KCNAB1: variants seen among roughly 807,000 people sequenced by gnomAD.
The protein encoded by KCNAB1 is voltage-gated potassium channel subunit beta-1.
A neutral mutation model predicts 64.6 loss-of-function variants in KCNAB1; 35 were observed. The observed-to-expected ratio is 0.54, with a 90% CI of 0.41 to 0.72. The LOEUF (loss-of-function observed/expected upper bound fraction) is 0.72. KCNAB1 is among the 30% of genes least tolerant of loss of function. KCNAB1 has a pLI of 0.00. For synonymous variants in KCNAB1, 177 were observed against 183.8 expected (o/e 0.96, Z 0.30); for missense variants, 401 against 512.9 (o/e 0.78, Z 2.11).
intron 1 of KCNAB1, among the ~76,000 whole-genome samples, chr3:156,244,680 C>T (rs1560155035): frequency 6.6e-6 from 1 of 152,188 alleles, no homozygotes; most frequent in Non-Finnish European, 1.5e-5. Flanking sequence ...TGACTTAACC[C>T]TGATAGATAC....
At chr3:156,261,742 T>G (rs1321089059) in intron 1 of KCNAB1, among the ~76,000 whole-genome samples, 1 of 151,990 alleles carries the variant, frequency 6.6e-6, no homozygotes, top group African/African-American at 2.4e-5. Context: ...ATACACATTT[T>G]CAAATCAGCT....
chr3:156,380,185 C>A (rs188858052), intron 1 of KCNAB1, among the ~76,000 whole-genome samples: 1 of 152,148 alleles, frequency 6.6e-6, no homozygotes, highest in Non-Finnish European at 1.5e-5. Flanking sequence ...CCTTCTCCAG[C>A]GCCTTCCCCT....
At chr3:156,276,205 T>C (rs1471132190) in intron 1 of KCNAB1, among the ~76,000 whole-genome samples, 1 of 152,184 alleles carries the variant, frequency 6.6e-6, no homozygotes, top group Non-Finnish European at 1.5e-5. Flanking sequence ...AGTGGTAATA[T>C]TTTGAAATAT....
chr3:156,397,591 A>G (rs939708365), intron 1 of KCNAB1, among the ~76,000 whole-genome samples: 1 of 152,162 alleles, frequency 6.6e-6, no homozygotes, highest in African/African-American at 2.4e-5. Flanking sequence ...CTCACAGTCT[A>G]TGTGAAGATG....
At chr3:156,426,484 C>T (rs1160771376) in intron 2 of KCNAB1, among the ~76,000 whole-genome samples, 2 of 152,204 alleles carry the variant, frequency 1.3e-5, no homozygotes, top group Non-Finnish European at 2.9e-5. Flanking sequence ...ACAACATTAT[C>T]AACCAAAGTC....
intron 8 of KCNAB1, among the ~76,000 whole-genome samples, chr3:156,477,729 T>C (rs1210460032): frequency 6.6e-6 from 1 of 152,116 alleles, no homozygotes; most frequent in African/African-American, 2.4e-5. Flanking sequence ...TCTATACATA[T>C]AGTCTTTTCT....
At chr3:156,214,229 T>C (rs185354546) in intron 1 of KCNAB1, among the ~76,000 whole-genome samples, 82 of 152,294 alleles carry the variant, frequency 5.4e-4, no homozygotes, top group South Asian at 1.7e-3. Flanking sequence ...TTATTGAATC[T>C]GAGGAGGGGG....
intron 1 of KCNAB1, among the ~76,000 whole-genome samples, chr3:156,354,673 G>T (rs1403761521): frequency 1.4e-5 from 2 of 143,332 alleles, no homozygotes; most frequent in South Asian, 2.2e-4. Flanking sequence ...CTCTAATGGA[G>T]AATTGGGATA....
chr3:156,153,986 G>T (rs1184840407), intron 1 of KCNAB1, among the ~76,000 whole-genome samples: 1 of 152,102 alleles, frequency 6.6e-6, no homozygotes, highest in African/African-American at 2.4e-5. Flanking sequence ...TCCATCTCCT[G>T]TTAGTTGTGT....
intron 1 of KCNAB1, among the ~76,000 whole-genome samples, chr3:156,337,035 T>C (rs1723760679): frequency 6.6e-6 from 1 of 152,238 alleles, no homozygotes; most frequent in Non-Finnish European, 1.5e-5. Context: ...GTGACTGCGA[T>C]TATTGTTACC....
intron 2 of KCNAB1, among the ~76,000 whole-genome samples, chr3:156,439,180 G>A (rs570836307): frequency 3.8e-4 from 56 of 147,506 alleles, no homozygotes; most frequent in Non-Finnish European, 6.0e-4. Context: ...TGCTTGGAAC[G>A]ATGTAAATTC....
chr3:156,320,351 C>T (rs1691606749), intron 1 of KCNAB1, among the ~76,000 whole-genome samples: 1 of 152,146 alleles, frequency 6.6e-6, no homozygotes, highest in Non-Finnish European at 1.5e-5. Context: ...TAATCCTACA[C>T]AAAAGATTTA....
chr3:156,272,467 G>A (rs1719092534), intron 1 of KCNAB1, among the ~76,000 whole-genome samples: 1 of 151,970 alleles, frequency 6.6e-6, no homozygotes, highest in Admixed American at 6.6e-5. Flanking sequence ...CCAGGCAGAC[G>A]AGTCTCGCCA....
At chr3:156,457,711 C>G (rs1441784427) in intron 4 of KCNAB1, among the ~76,000 whole-genome samples, 179 bp downstream of exon 4, 1 of 152,144 alleles carries the variant, frequency 6.6e-6, no homozygotes, top group African/African-American at 2.4e-5. Context: ...GTCTCTGGCA[C>G]TCTCTGCTCA....
chr3:156,192,181 C>T (rs941100456), intron 1 of KCNAB1, among the ~76,000 whole-genome samples: 2 of 152,104 alleles, frequency 1.3e-5, no homozygotes, highest in African/African-American at 2.4e-5. Flanking sequence ...TCCATGTTGT[C>T]GCCTGTAGCA....
chr3:156,309,810 A>G (rs1168899040), intron 1 of KCNAB1, among the ~76,000 whole-genome samples: 4 of 152,218 alleles, frequency 2.6e-5, no homozygotes, highest in African/African-American at 9.7e-5. Flanking sequence ...AAGTGTCACA[A>G]GCCAGAGATT....
At chr3:156,276,140 A>C (rs1719331969) in intron 1 of KCNAB1, among the ~76,000 whole-genome samples, 1 of 152,204 alleles carries the variant, frequency 6.6e-6, no homozygotes, top group East Asian at 1.9e-4. Flanking sequence ...AAACAACATT[A>C]ATCCCCTTGT....
intron 1 of KCNAB1, among the ~76,000 whole-genome samples, chr3:156,290,346 A>G (rs1720332710): frequency 6.6e-6 from 1 of 152,196 alleles, no homozygotes; most frequent in Non-Finnish European, 1.5e-5. Flanking sequence ...TGCGTTAAAT[A>G]CTGGTTCTTT....
At chr3:156,339,756 G>C (rs541808329) in intron 1 of KCNAB1, among the ~76,000 whole-genome samples, 1 of 152,344 alleles carries the variant, frequency 6.6e-6, no homozygotes, top group East Asian at 1.9e-4. Flanking sequence ...TCTGTGACCT[G>C]CATGACCCAT....
Sources: gnomAD v4.1 joint callset for allele counts (sites outside exome capture counted in the v4.1 genomes callset) on GRCh38, gnomAD v4.1.1 for gene constraint, MANE v1.5 for transcripts, NCBI Gene and HGNC (gene_info 2026-07-23, HGNC 2026-07-21) for gene names.